RPL18A: variants seen among roughly 807,000 people sequenced by gnomAD.
The protein encoded by RPL18A is ribosomal protein L18a, also known as large ribosomal subunit protein eL20.
For synonymous variants in RPL18A, 122 were observed against 96.9 expected, an observed-to-expected ratio of 1.26 and a Z score of -1.52; for missense variants, 163 against 254.1, an observed-to-expected ratio of 0.64 and a Z score of 2.44.
rs377418749 is a variant in RPL18A at position 17,863,158 on chromosome 19, C to G, written c.439-13C>G. On this transcript the variant is annotated splice_polypyrimidine_tract_variant and intron_variant, in intron 4 of 4. Coordinates refer to ENST00000222247, the MANE Select transcript of RPL18A (RefSeq NM_000980.4). ...GGCTTCCAACCCCCTCAACATGCCTCCCTTCCTCACAGGACTCCAAGATCA... is the reference window on the plus strand; with the variant it reads ...GGCTTCCAACCCCCTCAACATGCCTGCCTTCCTCACAGGACTCCAAGATCA... 1.5e-5 allele frequency: 24 copies of G among 1,610,256 alleles called. No individual in the cohort carries two copies. Among genetic ancestry groups the G allele is most frequent in the Non-Finnish European group, 2.0e-5 (23 of 1,176,950 alleles).
rs781292162 is a variant in RPL18A, at chr19:17,862,201, C to T, written c.306C>T (p.Thr102=). 10 of 1,613,396 alleles carry T rather than the reference C, an allele frequency of 6.2e-6. No individual in the cohort carries two copies. Among genetic ancestry groups the T allele is most frequent in the Admixed American group, 3.3e-5 (2 of 59,990 alleles). Residue 102 remains threonine, a synonymous_variant, in exon 3 of 5, where the codon ACC becomes ACT. Coordinates refer to ENST00000222247, the MANE Select transcript of RPL18A (RefSeq NM_000980.4). ...NMYREYRDLT[T]AGAVTQCYRD... ...ACCGGGAATACCGGGACCTGACCAC[C>T]GCAGGCGCTGTCACCCAGTGCTGTA...
In RPL18A at chr19:17,861,720, C is replaced by T. The variant is rs890575184; in HGVS notation, c.198+248C>T. 385 of 561,972 alleles carry T rather than the reference C, an allele frequency of 6.9e-4. 1 individual carries two copies. The highest frequency in any genetic ancestry group is 4.7e-4 in the Non-Finnish European group (149 of 316,944). 34.8% of individuals were successfully genotyped at this position (561,972 alleles called of 1,614,324 possible). ...AGCGGGTGGGTGGCATGGTGGGACACCTTGGTTGGTGCTGTCTTCCCTGGG... is the reference window on the plus strand; with the variant it reads ...AGCGGGTGGGTGGCATGGTGGGACATCTTGGTTGGTGCTGTCTTCCCTGGG... On this transcript the variant is annotated intron_variant, in intron 2 of 4. Transcript: ENST00000222247.
At chr19:17,863,136 T>G in intron 4 of RPL18A, 35 bp from the exon 5 acceptor site, 1 of 1,589,036 alleles carries the variant, frequency 6.3e-7, no homozygotes, top group Non-Finnish European at 8.6e-7. Context: ...GTTAAGAGGC[T>G]TCCAACCCCC....
Position 17,859,940 on chromosome 19 carries a change from A to T in RPL18A, c.-17A>T. The T allele has an allele frequency of 6.5e-7, 1 of 1,543,420 alleles. No homozygotes were observed. The highest frequency in any genetic ancestry group is 1.2e-5 in the South Asian group (1 of 83,402). On this transcript the variant is annotated 5_prime_UTR_variant, in exon 1 of 5. Transcript: ENST00000222247. Reference sequence around the variant, plus strand: ...ACACTTCCTTTTGCGGGTGGCGGCGAACGCGGAGAGCACGCCATGAAGGCC... The same window carrying T: ...ACACTTCCTTTTGCGGGTGGCGGCGTACGCGGAGAGCACGCCATGAAGGCC...
intron 1 of RPL18A, chr19:17,860,616 G>A (rs73020694): frequency 0.085 from 12,950 of 152,668 alleles, 753 homozygotes; most frequent in Middle Eastern, 0.14. Flanking sequence ...GCGATAATTT[G>A]TGACTATTTT....
chr19:17,862,364 G>A (rs2094279002), intron 3 of RPL18A, 141 bp downstream of exon 3: 2 of 1,016,174 alleles, frequency 2.0e-6, no homozygotes, highest in Non-Finnish European at 2.9e-6. Context: ...GATGCCCCAG[G>A]CCCCAGATGG....
chr19:17,862,656 G>A (rs528289189), intron 3 of RPL18A: 30 of 744,240 alleles, frequency 4.0e-5, no homozygotes, highest in African/African-American at 3.4e-4. Flanking sequence ...AACAGCAAGC[G>A]GATCTTGTCG....
At chr19:17,861,518 C>T (rs548659758) in intron 2 of RPL18A, 46 bp downstream of exon 2, 14 of 1,435,720 alleles carry the variant, frequency 9.8e-6, no homozygotes, top group Admixed American at 6.5e-5. Context: ...GGATTTGCGC[C>T]TCTTGGGACA....
intron 2 of RPL18A, 57 bp downstream of exon 2, chr19:17,861,529 T>C: frequency 7.5e-7 from 1 of 1,331,170 alleles, no homozygotes. Flanking sequence ...TCTTGGGACA[T>C]CGTGCATCTC....
chr19:17,861,806 G>C (rs1034384053), intron 2 of RPL18A: 2 of 542,682 alleles, frequency 3.7e-6, no homozygotes, highest in African/African-American at 3.8e-5. Flanking sequence ...AGCTAGGTTG[G>C]CCCAGACAGG....
At position 17,861,563 on chromosome 19, in the gene RPL18A, G is replaced by C. The variant is rs765275072; in HGVS notation, c.198+91G>C. 2.9e-6 allele frequency: 3 copies of C among 1,046,440 alleles called. No individual in the cohort carries two copies. In the East Asian group the frequency reaches 7.8e-5, roughly 27 times the overall value. 64.8% of individuals were successfully genotyped at this position (1,046,440 alleles called of 1,614,324 possible). On this transcript the variant is annotated intron_variant, in intron 2 of 4. Transcript: ENST00000222247. The stretch of plus-strand genomic sequence containing the variant: ...TCAAGAATTAATCAGACATCGAACG[G>C]GTGCGGTAGCTCAACGCCTGTAATC...
chr19:17,861,847 C>G, intron 2 of RPL18A: 2 of 565,678 alleles, frequency 3.5e-6, no homozygotes, highest in Admixed American at 3.2e-5. Flanking sequence ...GGAACTGCAT[C>G]TGGGGCTGGG....
chr19:17,861,237 G>A, intron 1 of RPL18A, 56 bp from the exon 2 acceptor site: 1 of 1,518,042 alleles, frequency 6.6e-7, no homozygotes, highest in Non-Finnish European at 9.1e-7. Flanking sequence ...GAGTGAGGTG[G>A]ATCTCCACAG....
chr19:17,862,484 C>G, intron 3 of RPL18A: 1 of 679,010 alleles, frequency 1.5e-6, no homozygotes, highest in African/African-American at 1.8e-5. Flanking sequence ...CCACTGTTTT[C>G]TGGGACCCAC....
chr19:17,863,277 G>A lies in RPL18A; in HGVS notation c.*14G>A, dbSNP rs557843560. ...ACCTTCTTCTAGGTGCAGGGCCCTCGTCCGGGTGTGCCCCAAATAAACTCA... is the reference window on the plus strand; with the variant it reads ...ACCTTCTTCTAGGTGCAGGGCCCTCATCCGGGTGTGCCCCAAATAAACTCA... On this transcript the variant is annotated 3_prime_UTR_variant, in exon 5 of 5. Coordinates refer to ENST00000222247, the MANE Select transcript of RPL18A (RefSeq NM_000980.4). The A allele has an allele frequency of 9.3e-5, 139 of 1,491,936 alleles. No homozygotes were observed. Among genetic ancestry groups the A allele is most frequent in the Admixed American group, 9.2e-4 (53 of 57,668 alleles). 92.4% of individuals were successfully genotyped at this position (1,491,936 alleles called of 1,614,324 possible).
rs762914380 is a variant in RPL18A, at chr19:17,861,346, G to A, written c.72G>A (p.Thr24=). 52 of 1,613,212 alleles carry A rather than the reference G, an allele frequency of 3.2e-5. No individual in the cohort carries two copies. Among genetic ancestry groups the A allele is most frequent in the Non-Finnish European group, 4.0e-5 (47 of 1,179,572 alleles). ...GCCTGCCCACCCCCAAATGCCACAC[G>A]CCGCCCCTCTACCGCATGCGAATCT... ...GRCLPTPKCH[T]PPLYRMRIFA... is the part of the protein sequence containing the mutation. The change falls in exon 2 of 5, where the codon ACG becomes ACA. Residue 24 remains threonine (T), a synonymous_variant. Transcript: ENST00000222247.
At chr19:17,862,061 C>T (rs766132591) in intron 2 of RPL18A, 33 bp from the exon 3 acceptor site, 3 of 1,607,728 alleles carry the variant, frequency 1.9e-6, no homozygotes, top group Admixed American at 1.7e-5. Flanking sequence ...CGGCTTGCTG[C>T]TCTCACATCT....
chr19:17,862,812 C>T (rs2094279918), intron 3 of RPL18A, 106 bp from the exon 4 acceptor site: 4 of 818,338 alleles, frequency 4.9e-6, no homozygotes, highest in Admixed American at 1.7e-5. Context: ...CAGGCAGTTG[C>T]TGTGACCAAC....
At chr19:17,860,959 C>T (rs956153002) in intron 1 of RPL18A, 15 of 309,184 alleles carry the variant, frequency 4.9e-5, no homozygotes, top group Middle Eastern at 9.8e-4. Flanking sequence ...TGTTTGACGG[C>T]GACTGCAAAG....
Sources: gnomAD v4.1 joint callset for allele counts on GRCh38, gnomAD v4.1.1 for gene constraint, MANE v1.5 for transcripts, NCBI Gene and HGNC (gene_info 2026-07-23, HGNC 2026-07-21) for gene names.